ARNT: variants seen among roughly 807,000 people sequenced by gnomAD.
ARNT encodes the protein class E basic helix-loop-helix protein 2.
In ARNT, 30 loss-of-function variants were observed where a neutral mutation model predicts 105.0. The ratio of observed to expected loss-of-function variants is 0.29; its 90% CI spans 0.21 to 0.39. The LOEUF is 0.39. Ranked by LOEUF, ARNT falls within the 10% of genes least tolerant of loss-of-function variation. ARNT has a pLI of 1.00. For missense variants in ARNT, 748 were observed against 978.7 expected, an observed-to-expected ratio of 0.76 and a Z score of 3.15; for synonymous variants, 304 against 344.0, an observed-to-expected ratio of 0.88 and a Z score of 1.29.
At chr1:150,848,073 G>A (rs1478343619) in intron 3 of ARNT, among the ~76,000 whole-genome samples, 1 of 152,202 alleles carries the variant, frequency 6.6e-6, no homozygotes, top group African/African-American at 2.4e-5. Flanking sequence ...GAGGAGATAA[G>A]TGTGTGTATG....
At chr1:150,832,228 G>C in intron 9 of ARNT, 106 bp downstream of exon 9, 3 of 1,162,200 alleles carry the variant, frequency 2.6e-6, no homozygotes, top group Non-Finnish European at 3.9e-6. Context: ...GGTAAGGGAT[G>C]CAAGTGAGAG....
Position 150,817,379 on chromosome 1 carries a change from G to A in ARNT, c.1560C>T (p.Ala520=). Residue 520 remains alanine, a synonymous_variant, in exon 16 of 22, where the codon GCC becomes GCT. Transcript: ENST00000358595. The part of the protein sequence containing the change: ...LDMVPGRDGL[A]SYNHSQVVQP... The stretch of plus-strand genomic sequence containing the variant: ...AACTCACCTGGGAATGATTGTAGCT[G>A]GCCAGTCCATCTCTTCCTGGTACCA... 1.2e-6 allele frequency: 2 copies of A among 1,614,116 alleles called. No individual in the cohort carries two copies. Among genetic ancestry groups the A allele is most frequent in the Admixed American group, 1.7e-5 (1 of 60,028 alleles).
At chr1:150,834,477 A>G in intron 8 of ARNT, 61 bp downstream of exon 8, 1 of 1,532,358 alleles carries the variant, frequency 6.5e-7, no homozygotes, top group South Asian at 1.1e-5. Context: ...TCTGACAGAA[A>G]TAAAACTCTC....
In ARNT at chr1:150,812,207, C is replaced by T. The variant is rs1654873507; in HGVS notation, c.2281-97G>A. 8 of 868,928 alleles carry T rather than the reference C, an allele frequency of 9.2e-6. No individual in the cohort carries two copies. In the South Asian group the frequency reaches 1.9e-4, roughly 20 times the overall value. 53.8% of individuals were successfully genotyped at this position (868,928 alleles called of 1,614,324 possible). On this transcript the variant is annotated intron_variant, in intron 21 of 21. Coordinates refer to ENST00000358595, the MANE Select transcript of ARNT (RefSeq NM_001668.4). Reference sequence around the variant, plus strand: ...ATTCCCCTGCACTACCATCCCTGACCCCGAGTCTTTGCTGTGCTGAGCTCT... The same window carrying T: ...ATTCCCCTGCACTACCATCCCTGACTCCGAGTCTTTGCTGTGCTGAGCTCT...
intron 1 of ARNT, among the ~76,000 whole-genome samples, chr1:150,874,129 G>A (rs1022255067): frequency 4.7e-5 from 7 of 148,982 alleles, no homozygotes; most frequent in African/African-American, 1.7e-4. Context: ...TCTAAGGAAA[G>A]AAGGTATGAC....
chr1:150,830,071 T>C (rs1659080877), intron 10 of ARNT, 91 bp from the exon 11 acceptor site: 1 of 1,433,344 alleles, frequency 7.0e-7, no homozygotes, highest in African/African-American at 1.4e-5. Flanking sequence ...AATAGACCTA[T>C]TTATGGGCCA....
At chr1:150,830,042 C>T in intron 10 of ARNT, 62 bp from the exon 11 acceptor site, 1 of 1,570,202 alleles carries the variant, frequency 6.4e-7, no homozygotes, top group Middle Eastern at 1.7e-4. Flanking sequence ...CTTCAAAACT[C>T]AGACAAGTAA....
intron 1 of ARNT, among the ~76,000 whole-genome samples, chr1:150,869,641 G>A (rs1667149591): frequency 6.6e-6 from 1 of 150,464 alleles, no homozygotes; most frequent in Non-Finnish European, 1.5e-5. Context: ...GACCTAGCAA[G>A]CTCAGAGATC....
At chr1:150,853,321 T>G (rs1048986573) in intron 2 of ARNT, 2 of 324,156 alleles carry the variant, frequency 6.2e-6, no homozygotes, top group Non-Finnish European at 1.2e-5. Context: ...GAAACAAAAG[T>G]ACCTTCTGCT....
At chr1:150,850,170 G>A (rs1365718084) in intron 3 of ARNT, among the ~76,000 whole-genome samples, 2 of 151,994 alleles carry the variant, frequency 1.3e-5, no homozygotes, top group East Asian at 1.9e-4. Context: ...GGCGGATCAC[G>A]AGGTCAAGAG....
At chr1:150,872,819 A>T (rs1667661288) in intron 1 of ARNT, among the ~76,000 whole-genome samples, 2 of 152,104 alleles carry the variant, frequency 1.3e-5, no homozygotes, top group African/African-American at 4.8e-5. Context: ...AAAATTAGCC[A>T]GCCACGGTGG....
chr1:150,862,774 G>A (rs1461694151), intron 1 of ARNT, among the ~76,000 whole-genome samples: 1 of 137,778 alleles, frequency 7.3e-6, no homozygotes, highest in Non-Finnish European at 1.6e-5. Context: ...TAGGATATAA[G>A]AGTACCATGG....
Position 150,817,969 on chromosome 1 carries a change from G to A in ARNT, c.1456C>T (p.Pro486Ser), listed in dbSNP as rs772808088. 53 of 1,613,782 alleles carry A rather than the reference G, an allele frequency of 3.3e-5. No individual in the cohort carries two copies. In the Middle Eastern group the frequency reaches 4.9e-4, roughly 15 times the overall value. Residue 486 changes from proline to serine, a missense_variant, in exon 15 of 22, where the codon CCC (proline) becomes TCC (serine). Pro to Ser is a moderately conservative substitution (Grantham distance 74). Transcript: ENST00000358595. ...ATCTCCAGGGGTAAATTAGCTGTGG[G>A]ACCTAGTTGTGGCCTCTGGATTGTG... ...SNTIQRPQLG[P>S]TANLPLEMGS... is the part of the protein sequence containing the mutation.
chr1:150,844,185 A>G (rs926034170), intron 4 of ARNT, among the ~76,000 whole-genome samples: 1 of 152,208 alleles, frequency 6.6e-6, no homozygotes, highest in African/African-American at 2.4e-5. Context: ...TAAAGACTTT[A>G]CAAATATTTA....
At chr1:150,839,784 A>G in intron 5 of ARNT, 130 bp from the exon 6 acceptor site, 3 of 979,110 alleles carry the variant, frequency 3.1e-6, no homozygotes, top group Non-Finnish European at 4.5e-6. Context: ...CTTAAGTCTC[A>G]GCAGTTAAAA....
chr1:150,823,447 G>A, intron 13 of ARNT, 102 bp from the exon 14 acceptor site: 1 of 1,106,556 alleles, frequency 9.0e-7, no homozygotes, highest in East Asian at 2.6e-5. Flanking sequence ...TCTTGTCATT[G>A]TCCTTGAGGC....
At chr1:150,846,762 C>T (rs1386468313) in intron 3 of ARNT, among the ~76,000 whole-genome samples, 2 of 152,112 alleles carry the variant, frequency 1.3e-5, no homozygotes, top group African/African-American at 4.8e-5. Context: ...CATCAAACAC[C>T]ATTTTCTCAT....
chr1:150,816,165 G>C, intron 19 of ARNT, 94 bp downstream of exon 19: 5 of 1,438,562 alleles, frequency 3.5e-6, no homozygotes, highest in Admixed American at 2.4e-5. Flanking sequence ...TGGGGAGAAG[G>C]TATTTAAAAT....
intron 9 of ARNT, 136 bp downstream of exon 9, chr1:150,832,198 G>GT: frequency 1.1e-6 from 1 of 882,760 alleles, no homozygotes; most frequent in Non-Finnish European, 1.8e-6. Flanking sequence ...TAAGTGGGAG[G>GT]TAAGGGATGT....
Sources: gnomAD v4.1 joint callset for allele counts (sites outside exome capture counted in the v4.1 genomes callset) on GRCh38, gnomAD v4.1.1 for gene constraint, MANE v1.5 for transcripts, NCBI Gene and HGNC (gene_info 2026-07-23, HGNC 2026-07-21) for gene names.